The following LUZP2 variants were observed in gnomAD, a reference collection of about 807,000 sequenced individuals.
The protein encoded by LUZP2 is leucine zipper protein 2.
LUZP2 carries 52 observed loss-of-function variants against 51.6 expected under a neutral mutation model. That is an observed-to-expected ratio of 1.01 (90% CI 0.81 to 1.27). The LOEUF is 1.27. Ranked by LOEUF, LUZP2 falls within the 50% of genes most tolerant of loss-of-function variation. The pLI, the probability that LUZP2 is intolerant of heterozygous loss-of-function variation, is 0.00. For missense variants in LUZP2, 436 were observed against 395.4 expected (o/e 1.10, Z -0.87); for synonymous variants, 154 against 137.3 (o/e 1.12, Z -0.85).
intron 1 of LUZP2, among the ~76,000 whole-genome samples, chr11:24,652,447 G>A (rs762152775): frequency 6.6e-6 from 1 of 151,944 alleles, no homozygotes; most frequent in Non-Finnish European, 1.5e-5. Flanking sequence ...GAATGCTTAG[G>A]TTCACATATA....
rs553696425 is a variant in LUZP2 at position 25,081,029 on chromosome 11, A to ATTTTTTTTTTTTTTTTTTTTTTTT, written c.*2392_*2393insTTTTTTTTTTTTTTTTTTTTTTTT. The ATTTTTTTTTTTTTTTTTTTTTTTT allele has an allele frequency of 8.9e-5, 9 of 100,708 alleles. 2 individuals are homozygous for ATTTTTTTTTTTTTTTTTTTTTTTT. Among genetic ancestry groups the ATTTTTTTTTTTTTTTTTTTTTTTT allele is most frequent in the African/African-American group, 3.0e-4 (8 of 26,542 alleles). The allele number at this position is 100,708 out of a possible 1,614,324, so 6.2% of individuals were successfully genotyped here. A position where few individuals can be genotyped will look rare whatever the true frequency, so the allele number is the denominator to read the frequency against. ...ATCAAGTGGGCTTTGGATCCATATG[A>ATTTTTTTTTTTTTTTTTTTTTTTT]TTTTTTTTTTTTTTTTTTTTTGAGA... is the stretch of plus-strand genomic sequence containing the variant. On this transcript the variant is annotated 3_prime_UTR_variant, in exon 12 of 12. Transcript: ENST00000336930.
intron 5 of LUZP2, among the ~76,000 whole-genome samples, chr11:24,765,514 C>A (rs1054204869): frequency 6.6e-6 from 1 of 152,080 alleles, no homozygotes; most frequent in Non-Finnish European, 1.5e-5. Context: ...ATTGAGACAA[C>A]CGTATGGGTT....
chr11:24,536,491 A>G (rs1851184002), intron 1 of LUZP2, among the ~76,000 whole-genome samples: 1 of 151,812 alleles, frequency 6.6e-6, no homozygotes, highest in South Asian at 2.1e-4. Context: ...CACTTTTATG[A>G]TATGGAGATG....
chr11:25,077,356 A>C lies in LUZP2; in HGVS notation c.886A>C (p.Lys296Gln). ...GGGCAGACCGTGTTCCATGAAGCAC[A>C]AAGAAAGTCCCCCAAGTAATGCCAC... is the stretch of plus-strand genomic sequence containing the variant. Reference protein sequence around the residue: ...DEGRPCSMKHKESPPSNATAE... With the variant: ...DEGRPCSMKHQESPPSNATAE... The change falls in exon 11 of 12, where the codon AAA becomes CAA. Residue 296 changes from lysine to glutamine, a missense_variant. Coordinates refer to ENST00000336930, the MANE Select transcript of LUZP2 (RefSeq NM_001009909.4). 3.7e-6 allele frequency: 6 copies of C among 1,613,214 alleles called. No individual in the cohort carries two copies. The highest frequency in any genetic ancestry group is 5.1e-6 in the Non-Finnish European group (6 of 1,179,370).
intron 1 of LUZP2, among the ~76,000 whole-genome samples, chr11:24,704,227 A>G (rs1008940204): frequency 6.6e-6 from 1 of 152,174 alleles, no homozygotes; most frequent in Non-Finnish European, 1.5e-5. Flanking sequence ...CAAACATGAA[A>G]TGGTCATTTT....
At chr11:24,744,387 G>A (rs1411173604) in intron 4 of LUZP2, among the ~76,000 whole-genome samples, 2 of 152,008 alleles carry the variant, frequency 1.3e-5, no homozygotes, top group African/African-American at 4.8e-5. Context: ...CAATCTTGCT[G>A]TTTGTTATTG....
At chr11:24,726,104 A>G (rs1195038236) in intron 1 of LUZP2, among the ~76,000 whole-genome samples, 1 of 152,198 alleles carries the variant, frequency 6.6e-6, no homozygotes, top group Non-Finnish European at 1.5e-5. Context: ...TGGAAGCCCT[A>G]GAAAACTAAT....
chr11:24,516,790 A>T (rs1850478195), intron 1 of LUZP2, among the ~76,000 whole-genome samples: 2 of 136,666 alleles, frequency 1.5e-5, no homozygotes, highest in South Asian at 4.6e-4. Context: ...TTAGAGAAAC[A>T]AAAATTACAG....
intron 9 of LUZP2, among the ~76,000 whole-genome samples, chr11:24,999,866 A>G (rs1238668347): frequency 6.6e-6 from 1 of 152,180 alleles, no homozygotes; most frequent in Non-Finnish European, 1.5e-5. Flanking sequence ...TCATAAATTT[A>G]GTGTGGACCC....
intron 9 of LUZP2, among the ~76,000 whole-genome samples, chr11:24,985,331 A>G (rs118130050): frequency 0.013 from 2,033 of 151,804 alleles, 19 homozygotes; most frequent in Non-Finnish European, 0.02. Context: ...AGATACCTGG[A>G]TACAAACACA....
chr11:24,873,370 G>C (rs1286204669), intron 5 of LUZP2, among the ~76,000 whole-genome samples: 1 of 152,060 alleles, frequency 6.6e-6, no homozygotes, highest in Admixed American at 6.6e-5. Flanking sequence ...TATATAATAA[G>C]CCCAGCATAA....
Position 24,729,234 on chromosome 11 carries a change from G to T in LUZP2, c.128G>T (p.Arg43Leu). ...TTTAAGGAGCGAAGCACCATTCTTC[G>T]TCAGCTGACAAAGACATCAAGAGAA... ...EVFKERSTIL[R>L]QLTKTSRELD... The change falls in exon 2 of 12, where the codon CGT (arginine) becomes CTT (leucine). Residue 43 changes from arginine (R) to leucine (L), a missense_variant. Physicochemically the swap from Arg to Leu is moderately radical, Grantham distance 102. Transcript: ENST00000336930. The T allele has an allele frequency of 6.3e-7, 1 of 1,577,326 alleles. No individual in the cohort carries two copies. Among genetic ancestry groups the T allele is most frequent in the South Asian group, 1.2e-5 (1 of 86,806 alleles).
At chr11:25,014,511 C>T (rs1392333410) in intron 9 of LUZP2, among the ~76,000 whole-genome samples, 1 of 152,174 alleles carries the variant, frequency 6.6e-6, no homozygotes, top group Non-Finnish European at 1.5e-5. Context: ...TGATGATGAG[C>T]ATTTTTTCAT....
rs113177062 is a variant in LUZP2, at chr11:24,900,862, C to A, written c.397-5129C>A. On this transcript the variant is annotated intron_variant, in intron 5 of 11. Transcript: ENST00000336930. ...TTAAGGGGCTGCCTGATTTGCAAAT[C>A]ATTCTTTGCTCAAACTGTTAAATTT... 1.1e-4 allele frequency among the ~76,000 whole-genome samples: 17 copies of A among 152,300 alleles called. 1 individual carries two copies. Among genetic ancestry groups the A allele is most frequent in the African/African-American group, 4.1e-4 (17 of 41,558 alleles).
At chr11:24,680,965 C>A (rs973453487) in intron 1 of LUZP2, among the ~76,000 whole-genome samples, 2 of 109,428 alleles carry the variant, frequency 1.8e-5, no homozygotes, top group African/African-American at 7.3e-5. Flanking sequence ...TCTTTAATTT[C>A]TTTCTTTATT....
intron 1 of LUZP2, among the ~76,000 whole-genome samples, chr11:24,700,751 T>C (rs1027641877): frequency 3.3e-5 from 5 of 152,164 alleles, no homozygotes; most frequent in African/African-American, 1.2e-4. Context: ...GGGAAATGAC[T>C]GTGCAATCAT....
chr11:24,847,216 C>T (rs963175737), intron 5 of LUZP2, among the ~76,000 whole-genome samples: 11 of 151,828 alleles, frequency 7.2e-5, no homozygotes, highest in Non-Finnish European at 1.2e-4. Flanking sequence ...TCATTTAATT[C>T]GTAGGTCCCA....
intron 5 of LUZP2, among the ~76,000 whole-genome samples, chr11:24,768,677 G>A (rs1353251277): frequency 1.3e-5 from 2 of 152,092 alleles, no homozygotes; most frequent in African/African-American, 4.8e-5. Context: ...TAATCATCAC[G>A]AAAATGCCAA....
intron 1 of LUZP2, among the ~76,000 whole-genome samples, chr11:24,672,141 A>G (rs530102960): frequency 6.6e-6 from 1 of 152,260 alleles, no homozygotes; most frequent in African/African-American, 2.4e-5. Context: ...ACACAGTGCT[A>G]GGAAATACTT....
Sources: allele counts gnomAD v4.1 joint callset (sites outside exome capture counted in the v4.1 genomes callset), GRCh38; gene constraint gnomAD v4.1.1; transcripts MANE v1.5; gene names NCBI Gene and HGNC (gene_info 2026-07-23, HGNC 2026-07-21).